The following BTD variants were observed in gnomAD, a reference collection of about 807,000 sequenced individuals.
BTD encodes biotinidase, also known as biocytinase.
BTD carries 13 observed loss-of-function variants against 17.7 expected under a neutral mutation model. That is an observed-to-expected ratio of 0.74 (90% CI 0.48 to 1.17). The LOEUF (loss-of-function observed/expected upper bound fraction) is 1.17, where lower values mean the gene tolerates loss of function less well. Among genes scored for constraint, BTD ranks in the 50% most tolerant of loss-of-function variants. The pLI is 0.00. For missense variants in BTD, 674 were observed against 650.4 expected (o/e 1.04, Z -0.39); for synonymous variants, 240 against 245.2 (o/e 0.98, Z 0.20).
chr3:15,622,593 C>G (rs1451353057), intron 1 of BTD, among the ~76,000 whole-genome samples: 1 of 152,194 alleles, frequency 6.6e-6, no homozygotes, highest in African/African-American at 2.4e-5. Context: ...CTGAATTCAA[C>G]TATGTCCTTA....
At chr3:15,697,207 T>C (rs1160018684) in intron 3 of BTD, 2 of 152,306 alleles carry the variant, frequency 1.3e-5, no homozygotes, top group African/African-American at 4.8e-5. Context: ...GAATATCGTA[T>C]GTTCTCGCTC....
intron 3 of BTD, chr3:15,679,711 G>T: frequency 1.5e-6 from 1 of 658,302 alleles, no homozygotes; most frequent in Non-Finnish European, 2.6e-6. Flanking sequence ...ACCATTGGTA[G>T]CTGTTAAGCC....
chr3:15,643,203 T>A (rs2065585264), intron 3 of BTD, among the ~76,000 whole-genome samples: 1 of 152,172 alleles, frequency 6.6e-6, no homozygotes, highest in Non-Finnish European at 1.5e-5. Flanking sequence ...CAATGCAAGA[T>A]AGAATAATCT....
Position 15,603,405 on chromosome 3 carries a change from C to G in BTD, c.-17+1511C>G, listed in dbSNP as rs536272557. ...GGGCGCAGTGGCTCACACCTGTAATCCCAGCACTTTGGGAGGCCGAGGCGG... is the reference window on the plus strand; with the variant it reads ...GGGCGCAGTGGCTCACACCTGTAATGCCAGCACTTTGGGAGGCCGAGGCGG... On this transcript the variant is annotated intron_variant, in intron 1 of 3. Coordinates refer to ENST00000643237, the MANE Select transcript of BTD (RefSeq NM_001370658.1). Among the ~76,000 whole-genome samples the G allele has an allele frequency of 5.9e-5, 9 of 152,316 alleles. No individual in the cohort carries two copies. The South Asian group carries it at 1.0e-3, about 18-fold the overall frequency.
intron 3 of BTD, among the ~76,000 whole-genome samples, chr3:15,661,978 G>A (rs1246733598): frequency 1.3e-5 from 2 of 152,194 alleles, no homozygotes; most frequent in African/African-American, 4.8e-5. Context: ...CTGTTCCACT[G>A]ATCTGTCCAT....
chr3:15,685,190 TA>T, intron 3 of BTD: 1 of 1,585,598 alleles, frequency 6.3e-7, no homozygotes, highest in South Asian at 1.1e-5. Flanking sequence ...CTCTGTTCAC[TA>T]CACAATGATA....
rs1339939728 is a variant in BTD, at chr3:15,651,207, C to G, written c.*5719C>G. On this transcript the variant is annotated 3_prime_UTR_variant, in exon 4 of 4. Coordinates refer to ENST00000643237, the MANE Select transcript of BTD (RefSeq NM_001370658.1). ...CCAGGGGAACACTGGGACAGCGTTA[C>G]CAGGGGAAGGGGAGTGGGATATAGT... Among the ~76,000 whole-genome samples the G allele has an allele frequency of 6.6e-6, 1 of 152,124 alleles. No individual in the cohort carries two copies. The highest frequency in any genetic ancestry group is 1.5e-5 in the Non-Finnish European group (1 of 68,024).
rs555125148 is a variant in BTD, at chr3:15,613,684, A to G, written c.-17+11790A>G. On this transcript the variant is annotated intron_variant, in intron 1 of 3. Coordinates refer to ENST00000643237, the MANE Select transcript of BTD (RefSeq NM_001370658.1). Reference sequence around the variant, plus strand: ...CACAGTTTTTATTTGTGTTGTGGCAATTTTCTGGGGTATAACCTTTGTTTT... The same window carrying G: ...CACAGTTTTTATTTGTGTTGTGGCAGTTTTCTGGGGTATAACCTTTGTTTT... 1.3e-4 allele frequency among the ~76,000 whole-genome samples: 19 copies of G among 151,678 alleles called. No individual in the cohort carries two copies. The East Asian group carries it at 2.3e-3, about 19-fold the overall frequency.
At chr3:15,669,372 G>A (rs1445952638) in intron 3 of BTD, 15 of 151,990 alleles carry the variant, frequency 9.9e-5, no homozygotes, top group Admixed American at 9.8e-4. Flanking sequence ...GCTGCAATAG[G>A]GTGAAATAGT....
Position 15,631,964 on chromosome 3 carries a change from T to C in BTD, c.-16-3460T>C, listed in dbSNP as rs560570587. Among the ~76,000 whole-genome samples the C allele has an allele frequency of 1.0e-3, 154 of 152,242 alleles. 1 individual carries two copies. The highest frequency in any genetic ancestry group is 3.2e-3 in the African/African-American group (131 of 41,538). On this transcript the variant is annotated intron_variant, in intron 1 of 3. Transcript: ENST00000643237. The stretch of plus-strand genomic sequence containing the variant: ...TAAGCAGGTCCCTGTCATTTCTCTC[T>C]CTGTGATTCCTTTTGCTGCCACTTT...
In BTD at chr3:15,605,075, G is replaced by A. The variant is rs184225599; in HGVS notation, c.-17+3181G>A. ...GTTCCAAAGTTATTTCCACAGTTTC[G>A]GCTGTCTTTACAGTAGTGCCCCACT... On this transcript the variant is annotated intron_variant, in intron 1 of 3. Coordinates refer to ENST00000643237, the MANE Select transcript of BTD (RefSeq NM_001370658.1). Among the ~76,000 whole-genome samples, 6 of 152,196 alleles carry A rather than the reference G, an allele frequency of 3.9e-5. No individual in the cohort carries two copies. In the East Asian group the frequency reaches 7.7e-4, roughly 20 times the overall value.
At chr3:15,606,630 G>C (rs556541484) in intron 1 of BTD, 1 of 152,304 alleles carries the variant, frequency 6.6e-6, no homozygotes, top group East Asian at 1.9e-4. Context: ...ATACTCAACT[G>C]GTTGTTTTCT....
rs2125436428 is a variant in BTD, at chr3:15,631,299, A to G, written c.-16-4125A>G. 6.8e-6 allele frequency: 5 copies of G among 730,748 alleles called. No individual in the cohort carries two copies. In the Admixed American group the frequency reaches 8.9e-5, roughly 13 times the overall value. 45.3% of individuals were successfully genotyped at this position (730,748 alleles called of 1,614,324 possible). On this transcript the variant is annotated intron_variant, in intron 1 of 3. Coordinates refer to ENST00000643237, the MANE Select transcript of BTD (RefSeq NM_001370658.1). ...CATAGGATTGCTATTCTCCCTGACAAGTAAAGAATGACAAGATATTTTATT... is the reference window on the plus strand; with the variant it reads ...CATAGGATTGCTATTCTCCCTGACAGGTAAAGAATGACAAGATATTTTATT...
At chr3:15,607,460 A>C (rs1292006605) in intron 1 of BTD, among the ~76,000 whole-genome samples, 1 of 152,230 alleles carries the variant, frequency 6.6e-6, no homozygotes, top group African/African-American at 2.4e-5. Context: ...AGAATTGCAA[A>C]TATAGTGCCT....
chr3:15,667,761 G>A (rs936240769), intron 3 of BTD: 1 of 152,208 alleles, frequency 6.6e-6, no homozygotes, highest in Non-Finnish European at 1.5e-5. Context: ...AGTTTTCTTA[G>A]TGGGGTGGCA....
At chr3:15,601,713 G>C (rs7626148), upstream of BTD, 3,173 of 1,563,618 alleles carry the variant, frequency 2.0e-3, 50 homozygotes, top group African/African-American at 0.036. Context: ...CTCCATTCGC[G>C]CGCCAGAATG....
intron 4 of BTD, among the ~76,000 whole-genome samples, chr3:15,719,874 C>A (rs1575373413): frequency 6.6e-6 from 1 of 151,730 alleles, no homozygotes; most frequent in East Asian, 1.9e-4. Flanking sequence ...TCATTCATTC[C>A]TTTATTTATT....
intron 3 of BTD, chr3:15,707,899 C>G: frequency 6.3e-7 from 1 of 1,591,778 alleles, no homozygotes; most frequent in Non-Finnish European, 8.6e-7. Context: ...TATTGATCCT[C>G]CACTCTCACT....
intron 1 of BTD, among the ~76,000 whole-genome samples, chr3:15,634,812 A>G (rs1207303535): frequency 2.6e-5 from 4 of 152,216 alleles, no homozygotes; most frequent in Non-Finnish European, 5.9e-5. Context: ...GAAAGTAGCT[A>G]TTGGCATTTA....
Sources: allele counts gnomAD v4.1 joint callset (sites outside exome capture counted in the v4.1 genomes callset), GRCh38; gene constraint gnomAD v4.1.1; transcripts MANE v1.5; gene names NCBI Gene and HGNC (gene_info 2026-07-23, HGNC 2026-07-21).